SCFD2: variants seen among roughly 807,000 people sequenced by gnomAD.
SCFD2 encodes the protein sec1 family domain-containing protein 2.
A neutral mutation model predicts 58.9 loss-of-function variants in SCFD2; 54 were observed. That is an observed-to-expected ratio of 0.92 (90% CI 0.74 to 1.15). SCFD2 has a LOEUF of 1.15. Ranked by LOEUF, SCFD2 falls within the 50% of genes most tolerant of loss-of-function variation. The probability of loss-of-function intolerance (pLI) is 0.00; values close to 1 mark genes in which losing one functional copy is unlikely to be tolerated. For missense variants in SCFD2, 805 were observed against 836.6 expected (o/e 0.96, Z 0.47); for synonymous variants, 321 against 335.9 (o/e 0.96, Z 0.49).
At chr4:53,113,011 T>A (rs1725215784) in intron 5 of SCFD2, among the ~76,000 whole-genome samples, 1 of 152,138 alleles carries the variant, frequency 6.6e-6, no homozygotes, top group Non-Finnish European at 1.5e-5. Flanking sequence ...GCTCTTAGGA[T>A]GAATACTAAA....
intron 4 of SCFD2, among the ~76,000 whole-genome samples, chr4:53,236,259 C>G (rs193022485): frequency 1.3e-5 from 2 of 152,076 alleles, no homozygotes; most frequent in East Asian, 3.9e-4. Context: ...CCTCGAACAT[C>G]GAACTCTCAA....
chr4:53,128,561 G>A (rs142429601), intron 5 of SCFD2, among the ~76,000 whole-genome samples: 8 of 152,026 alleles, frequency 5.3e-5, no homozygotes, highest in East Asian at 3.8e-4. Flanking sequence ...GATTTCTCTC[G>A]GAGAGCTGTA....
intron 5 of SCFD2, among the ~76,000 whole-genome samples, chr4:53,014,169 A>T (rs1445896384): frequency 6.6e-6 from 1 of 152,192 alleles, no homozygotes; most frequent in Non-Finnish European, 1.5e-5. Context: ...GGAAGTGCAG[A>T]GTGCTATGAG....
chr4:53,330,590 A>C (rs1403056415), intron 2 of SCFD2, among the ~76,000 whole-genome samples: 5 of 152,214 alleles, frequency 3.3e-5, no homozygotes, highest in Non-Finnish European at 7.3e-5. Context: ...GAGCTCCTGA[A>C]GGAAGCGCTA....
chr4:53,332,853 T>C (rs77291247), intron 2 of SCFD2, among the ~76,000 whole-genome samples: 85,369 of 147,066 alleles, frequency 0.58, 24,943 homozygotes, highest in Middle Eastern at 0.66. Flanking sequence ...AAAACCCCAT[T>C]GTCTCAGCCC....
rs190110894 is a variant in SCFD2, at chr4:53,354,782, T to C, written c.839-2016A>G. Among the ~76,000 whole-genome samples, 6 of 151,826 alleles carry C rather than the reference T, an allele frequency of 4.0e-5. No individual in the cohort carries two copies. The East Asian group carries it at 1.2e-3, about 29-fold the overall frequency. ...AGCTGAATTTTTTTATATTCTTTTC[T>C]TTTTCTTCTATTTTTTTTTCTTTTT... is the stretch of plus-strand genomic sequence containing the variant. On this transcript the variant is annotated intron_variant, in intron 1 of 8. Transcript: ENST00000401642.
intron 3 of SCFD2, among the ~76,000 whole-genome samples, chr4:53,308,776 A>G (rs1415938762): frequency 6.6e-6 from 1 of 152,210 alleles, no homozygotes; most frequent in Non-Finnish European, 1.5e-5. Context: ...AAATTCAGAA[A>G]TGAAAGTAAG....
chr4:53,301,670 A>G (rs1247894265), intron 3 of SCFD2, among the ~76,000 whole-genome samples: 1 of 152,230 alleles, frequency 6.6e-6, no homozygotes, highest in African/African-American at 2.4e-5. Flanking sequence ...TTAGACCAAT[A>G]TCATTGATGA....
chr4:52,943,425 T>C (rs1358156496), intron 5 of SCFD2, among the ~76,000 whole-genome samples: 1 of 152,176 alleles, frequency 6.6e-6, no homozygotes, highest in Non-Finnish European at 1.5e-5. Flanking sequence ...AGTGTCAAAG[T>C]GCCAGGTGAG....
chr4:53,032,459 T>G (rs771004164), intron 5 of SCFD2, among the ~76,000 whole-genome samples: 2 of 152,060 alleles, frequency 1.3e-5, no homozygotes, highest in Non-Finnish European at 2.9e-5. Flanking sequence ...TAAAGGTAAA[T>G]AGGCTAAATG....
At chr4:53,119,240 C>T (rs1725409019) in intron 5 of SCFD2, among the ~76,000 whole-genome samples, 1 of 152,002 alleles carries the variant, frequency 6.6e-6, no homozygotes, top group African/African-American at 2.4e-5. Context: ...ATCACTTGAA[C>T]CCGGGAGGCA....
intron 5 of SCFD2, among the ~76,000 whole-genome samples, chr4:53,104,139 C>T (rs1279356164): frequency 2.6e-5 from 4 of 151,936 alleles, no homozygotes; most frequent in African/African-American, 9.7e-5. Flanking sequence ...GGGCTACTTC[C>T]TAAAGAGTTG....
intron 3 of SCFD2, among the ~76,000 whole-genome samples, chr4:53,279,021 A>C (rs561706075): frequency 6.6e-6 from 1 of 152,338 alleles, no homozygotes; most frequent in South Asian, 2.1e-4. Context: ...AAAATTTCTT[A>C]GTTTATATAA....
chr4:53,145,292 A>G (rs1726291255), intron 5 of SCFD2, 41 bp downstream of exon 5: 1 of 1,605,270 alleles, frequency 6.2e-7, no homozygotes. Flanking sequence ...TGTTTCGTGT[A>G]TCAGTGATGT....
chr4:53,176,393 C>T (rs1727329517), intron 4 of SCFD2, among the ~76,000 whole-genome samples: 1 of 152,124 alleles, frequency 6.6e-6, no homozygotes, highest in Admixed American at 6.5e-5. Context: ...CCTCTTAGAG[C>T]TCTTTGGGAG....
rs182128746 is a variant in SCFD2, at chr4:52,970,866, C to T, written c.1562-49996G>A. ...GCAACATTTGCTGCTCACCAATATCCGCTGTTGTGCAGCCTCTGCTGCTGA... is the reference window on the plus strand; with the variant it reads ...GCAACATTTGCTGCTCACCAATATCTGCTGTTGTGCAGCCTCTGCTGCTGA... On this transcript the variant is annotated intron_variant, in intron 5 of 8. Transcript: ENST00000401642. Among the ~76,000 whole-genome samples the T allele has an allele frequency of 7.0e-4, 106 of 152,322 alleles. 3 individuals are homozygous for T. The highest frequency in any genetic ancestry group is 5.8e-3 in the Admixed American group (89 of 15,306).
At chr4:53,361,616 T>C (rs932720828) in intron 1 of SCFD2, among the ~76,000 whole-genome samples, 1 of 152,200 alleles carries the variant, frequency 6.6e-6, no homozygotes, top group Non-Finnish European at 1.5e-5. Flanking sequence ...AGGCTGTTCT[T>C]GAATTCCTAG....
chr4:53,223,549 T>A (rs1729110624), intron 4 of SCFD2, among the ~76,000 whole-genome samples: 1 of 152,250 alleles, frequency 6.6e-6, no homozygotes, highest in Admixed American at 6.5e-5. Flanking sequence ...GCATATACAG[T>A]TCCCATTGTC....
Position 53,002,115 on chromosome 4 carries a change from C to T in SCFD2, c.1562-81245G>A, listed in dbSNP as rs190134636. On this transcript the variant is annotated intron_variant, in intron 5 of 8. Coordinates refer to ENST00000401642, the MANE Select transcript of SCFD2 (RefSeq NM_152540.4). ...AGGGAAGAGGAAGGTCAGAATGATA[C>T]GGTTCAAAAAGGAAGCATCAGAGCA... Among the ~76,000 whole-genome samples, 127 of 152,160 alleles carry T rather than the reference C, an allele frequency of 8.3e-4. 1 individual carries two copies. Among genetic ancestry groups the T allele is most frequent in the African/African-American group, 2.9e-3 (122 of 41,512 alleles).
Sources: allele counts gnomAD v4.1 joint callset (sites outside exome capture counted in the v4.1 genomes callset), GRCh38; gene constraint gnomAD v4.1.1; transcripts MANE v1.5; gene names NCBI Gene and HGNC (gene_info 2026-07-23, HGNC 2026-07-21).